Variants in SNX9 observed in about 807,000 individuals in gnomAD.
The protein encoded by SNX9 is sorting nexin-9.
In SNX9, 44 loss-of-function variants were observed where a neutral mutation model predicts 89.4. That is an observed-to-expected ratio of 0.49 (90% CI 0.39 to 0.63). The LOEUF (loss-of-function observed/expected upper bound fraction) is 0.63. Among genes scored for constraint, SNX9 ranks in the 30% least tolerant of loss-of-function variants. The pLI, the probability that SNX9 is intolerant of heterozygous loss-of-function variation, is 0.00. For synonymous variants in SNX9, 236 were observed against 247.8 expected, an observed-to-expected ratio of 0.95 and a Z score of 0.45; for missense variants, 578 against 736.1, an observed-to-expected ratio of 0.79 and a Z score of 2.49.
rs1467198091 is a variant in SNX9, at chr6:157,826,722, C to G, written c.12+3276C>G. Reference sequence around the variant, plus strand: ...AGCCTCCAAAGGTTATATTTCGACCCAGCCAAAATATAACCTATTTATATT... The same window carrying G: ...AGCCTCCAAAGGTTATATTTCGACCGAGCCAAAATATAACCTATTTATATT... On this transcript the variant is annotated intron_variant, in intron 1 of 17. Coordinates refer to ENST00000392185, the MANE Select transcript of SNX9 (RefSeq NM_016224.5). Among the ~76,000 whole-genome samples, 11 of 125,294 alleles carry G rather than the reference C, an allele frequency of 8.8e-5. 2 individuals carry two copies. Among genetic ancestry groups the G allele is most frequent in the African/African-American group, 3.9e-4 (9 of 23,110 alleles). The allele number at this position is 125,294 out of a possible 152,430, so 82.2% of individuals were successfully genotyped here.
chr6:157,909,556 C>T (rs1223630325), intron 7 of SNX9, 109 bp from the exon 8 acceptor site: 5 of 1,245,548 alleles, frequency 4.0e-6, no homozygotes, highest in Non-Finnish European at 5.7e-6. Context: ...ACAAGAATGA[C>T]CCTCCAAAGG....
At chr6:157,847,606 C>T (rs1781829809) in intron 1 of SNX9, among the ~76,000 whole-genome samples, 1 of 152,022 alleles carries the variant, frequency 6.6e-6, no homozygotes, top group African/African-American at 2.4e-5. Context: ...GTGGGGAGGC[C>T]TTGCTGGGAA....
intron 1 of SNX9, among the ~76,000 whole-genome samples, chr6:157,831,174 T>A (rs1432620181): frequency 6.6e-6 from 1 of 152,246 alleles, no homozygotes; most frequent in Admixed American, 6.5e-5. Context: ...TTTCTGCACA[T>A]TCTCACTCAT....
intron 4 of SNX9, among the ~76,000 whole-genome samples, chr6:157,896,500 C>A (rs761655458): frequency 1.3e-5 from 2 of 152,094 alleles, no homozygotes; most frequent in African/African-American, 2.4e-5. Context: ...GGAATGGATA[C>A]AGGTTCAGAA....
chr6:157,833,922 G>A (rs1406504242), intron 1 of SNX9, among the ~76,000 whole-genome samples: 1 of 152,188 alleles, frequency 6.6e-6, no homozygotes, highest in African/African-American at 2.4e-5. Context: ...TGTAGTGAGA[G>A]AGGCTTATTG....
chr6:157,860,679 A>G (rs1198533667), intron 1 of SNX9, among the ~76,000 whole-genome samples: 2 of 152,198 alleles, frequency 1.3e-5, no homozygotes, highest in Non-Finnish European at 2.9e-5. Flanking sequence ...CCCAATCTCT[A>G]GAAGTTTGGT....
chr6:157,923,283 G>A (rs113086142), intron 10 of SNX9, among the ~76,000 whole-genome samples: 27 of 152,288 alleles, frequency 1.8e-4, no homozygotes, highest in African/African-American at 6.3e-4. Flanking sequence ...CTATGATTCT[G>A]TGGTAAGTAG....
In SNX9 at chr6:157,940,901, A is replaced by C. The variant is rs765093538; in HGVS notation, c.1667A>C (p.His556Pro). 1 of 1,614,054 alleles carries C rather than the reference A, an allele frequency of 6.2e-7. No individual in the cohort carries two copies. The highest frequency in any genetic ancestry group is 8.5e-7 in the Non-Finnish European group (1 of 1,179,992). Residue 556 changes from histidine to proline, a missense_variant, in exon 17 of 18, where the codon CAC (histidine) becomes CCC (proline). Physicochemically the swap from His to Pro is moderately conservative, Grantham distance 77 (BLOSUM62 -2). Coordinates refer to ENST00000392185, the MANE Select transcript of SNX9 (RefSeq NM_016224.5). Reference protein sequence around the residue: ...YALQAEMNHFHSNRIYDYNSV... With the variant: ...YALQAEMNHFPSNRIYDYNSV... ...GTTGTAGCTGAGATGAATCACTTTC[A>C]CAGTAACCGGATCTATGATTACAAC...
At chr6:157,858,157 T>C (rs1035321592) in intron 1 of SNX9, among the ~76,000 whole-genome samples, 7 of 152,150 alleles carry the variant, frequency 4.6e-5, no homozygotes, top group Non-Finnish European at 1.5e-5. Flanking sequence ...TATAAGTGCT[T>C]TTCATGCCTA....
Position 157,923,104 on chromosome 6 carries a change from G to A in SNX9, c.1080+1443G>A, listed in dbSNP as rs140180354. On this transcript the variant is annotated intron_variant, in intron 10 of 17. Transcript: ENST00000392185. ...ATGCCACCTTCAAAGAGGGATCAAC[G>A]TGTCATAAAAGTGGTATAAGAGAAA... Among the ~76,000 whole-genome samples, 505 of 152,240 alleles carry A rather than the reference G, an allele frequency of 3.3e-3. 3 individuals carry two copies. Among genetic ancestry groups the A allele is most frequent in the Non-Finnish European group, 5.2e-3 (355 of 68,022 alleles).
rs566828931 is a variant in SNX9, at chr6:157,937,648, A to G, written c.1533+125A>G. ...AAACAATCTATAATTCCCATTAGAA[A>G]GGTTTTGTAACTGAATTTTGACATT... On this transcript the variant is annotated intron_variant, in intron 15 of 17. Coordinates refer to ENST00000392185, the MANE Select transcript of SNX9 (RefSeq NM_016224.5). 5.8e-6 allele frequency: 4 copies of G among 687,540 alleles called. No individual in the cohort carries two copies. In the Admixed American group the frequency reaches 1.1e-4, roughly 19 times the overall value. The allele number at this position is 687,540 out of a possible 1,614,324, so 42.6% of individuals were successfully genotyped here.
At chr6:157,938,544 A>G in intron 15 of SNX9, 89 bp from the exon 16 acceptor site, 1 of 792,482 alleles carries the variant, frequency 1.3e-6, no homozygotes, top group East Asian at 2.6e-5. Context: ...GTAGCAAATC[A>G]GTTATAGAAT....
intron 10 of SNX9, among the ~76,000 whole-genome samples, chr6:157,923,360 A>G (rs1005848491): frequency 6.6e-6 from 1 of 152,210 alleles, no homozygotes; most frequent in African/African-American, 2.4e-5. Context: ...TATTAGAAAT[A>G]AGTGGTTAGT....
chr6:157,827,481 A>ATATAAACTTATAGTTTATATAT lies in SNX9; in HGVS notation c.12+4039_12+4040insAACTTATAGTTTATATATTATA, dbSNP rs1781394102. Among the ~76,000 whole-genome samples, 4 of 22,902 alleles carry ATATAAACTTATAGTTTATATAT rather than the reference A, an allele frequency of 1.7e-4. 2 individuals carry two copies. Among genetic ancestry groups the ATATAAACTTATAGTTTATATAT allele is most frequent in the Non-Finnish European group, 2.4e-4 (4 of 16,524 alleles). 15.0% of individuals were successfully genotyped at this position (22,902 alleles called of 152,430 possible). A position where few individuals can be genotyped will look rare whatever the true frequency, so the allele number is the denominator to read the frequency against. ...AATATATAAACTTATAGTTTATATA[A>ATATAAACTTATAGTTTATATAT]TATATAAACTTATAGTTTATATAAT... On this transcript the variant is annotated intron_variant, in intron 1 of 17. Transcript: ENST00000392185.
Position 157,845,690 on chromosome 6 carries a change from G to A in SNX9, c.13-21857G>A, listed in dbSNP as rs547837555. 1.2e-4 allele frequency among the ~76,000 whole-genome samples: 18 copies of A among 152,252 alleles called. No homozygotes were observed. The South Asian group carries it at 3.7e-3, about 32-fold the overall frequency. Reference sequence around the variant, plus strand: ...CACATATTTTATACAAAGCATAGACGGCATTGGTGAATCTGGTAAATTGAT... The same window carrying A: ...CACATATTTTATACAAAGCATAGACAGCATTGGTGAATCTGGTAAATTGAT... On this transcript the variant is annotated intron_variant, in intron 1 of 17. Transcript: ENST00000392185.
At position 157,875,180 on chromosome 6, in the gene SNX9, C is replaced by T. The variant is rs749661773; in HGVS notation, c.300+4C>T. ...GGCTGCCAGCAACAATCACCAGGTA[C>T]GTCTCACTTCCTCCTTCTGGATGTG... On this transcript the variant is annotated splice_donor_region_variant and intron_variant, in intron 4 of 17. Transcript: ENST00000392185. The T allele has an allele frequency of 9.8e-5, 157 of 1,605,244 alleles. No individual in the cohort carries two copies. Among genetic ancestry groups the T allele is most frequent in the Admixed American group, 1.9e-4 (11 of 58,896 alleles).
At chr6:157,898,753 C>T (rs1265077965) in intron 5 of SNX9, among the ~76,000 whole-genome samples, 2 of 152,184 alleles carry the variant, frequency 1.3e-5, no homozygotes, top group African/African-American at 4.8e-5. Flanking sequence ...CCTCTGTAAG[C>T]ACATTGGGCC....
At chr6:157,840,442 C>CTT in intron 1 of SNX9, among the ~76,000 whole-genome samples, 1 of 151,190 alleles carries the variant, frequency 6.6e-6, no homozygotes, top group South Asian at 2.1e-4. Context: ...TCTTTCCTTT[C>CTT]TTTCCTTTCC....
chr6:157,829,010 A>T (rs1438795198), intron 1 of SNX9: 1 of 152,180 alleles, frequency 6.6e-6, no homozygotes, highest in Non-Finnish European at 1.5e-5. Context: ...TAGTGAGATA[A>T]GTGACTCGAT....
Sources: allele counts gnomAD v4.1 joint callset (sites outside exome capture counted in the v4.1 genomes callset), GRCh38; gene constraint gnomAD v4.1.1; transcripts MANE v1.5; gene names NCBI Gene and HGNC (gene_info 2026-07-23, HGNC 2026-07-21).